The following ADARB2 variants were observed in gnomAD, a reference collection of about 807,000 sequenced individuals.
ADARB2 encodes adenosine deaminase RNA specific B2 (inactive), also known as inactive double-stranded RNA-specific editase B2.
A neutral mutation model predicts 62.2 loss-of-function variants in ADARB2; 25 were observed. That is an observed-to-expected ratio of 0.40 (90% CI 0.29 to 0.56). The LOEUF is 0.56. Among genes scored for constraint, ADARB2 ranks in the 20% least tolerant of loss-of-function variants. The pLI is 0.43. For synonymous variants in ADARB2, 572 were observed against 500.8 expected, an observed-to-expected ratio of 1.14 and a Z score of -1.90; for missense variants, 1,071 against 1,077.4, an observed-to-expected ratio of 0.99 and a Z score of 0.08.
chr10:1,411,344 G>A (rs1041423932), intron 1 of ADARB2, among the ~76,000 whole-genome samples: 1 of 152,164 alleles, frequency 6.6e-6, no homozygotes, highest in African/African-American at 2.4e-5. Flanking sequence ...AGGCTCCGTC[G>A]TTAGCCCACC....
chr10:1,547,241 G>GA (rs1483158201), intron 1 of ADARB2, among the ~76,000 whole-genome samples: 4 of 145,856 alleles, frequency 2.7e-5, no homozygotes, highest in Admixed American at 6.7e-5. Flanking sequence ...GCACTGTGTT[G>GA]GGGGCAGAGG....
intron 1 of ADARB2, among the ~76,000 whole-genome samples, chr10:1,473,700 G>A: frequency 6.6e-6 from 1 of 152,192 alleles, no homozygotes; most frequent in East Asian, 1.9e-4. Flanking sequence ...GCATTTTAAA[G>A]AGTCACTCTG....
chr10:1,487,168 C>G (rs983057828), intron 1 of ADARB2, among the ~76,000 whole-genome samples: 2 of 152,242 alleles, frequency 1.3e-5, no homozygotes. Context: ...GATAGCAAAC[C>G]TGGAAAGTCA....
chr10:1,583,123 C>T (rs566896734), intron 1 of ADARB2, among the ~76,000 whole-genome samples: 16 of 152,294 alleles, frequency 1.1e-4, no homozygotes, highest in African/African-American at 3.4e-4. Context: ...GGATTTCAGC[C>T]ATTGGGACTT....
chr10:1,356,434 T>C (rs1378485574), intron 3 of ADARB2, among the ~76,000 whole-genome samples: 4 of 152,182 alleles, frequency 2.6e-5, no homozygotes, highest in African/African-American at 9.6e-5. Flanking sequence ...CAGAACCGCC[T>C]GGGGTGAGCT....
chr10:1,662,461 G>A (rs936576836), intron 1 of ADARB2, among the ~76,000 whole-genome samples: 12 of 152,148 alleles, frequency 7.9e-5, no homozygotes, highest in African/African-American at 2.7e-4. Flanking sequence ...TCTTGGTTCC[G>A]GCCTTGCAAG....
chr10:1,184,754 A>G, intron 9 of ADARB2, 107 bp downstream of exon 9: 2 of 1,286,910 alleles, frequency 1.6e-6, no homozygotes, highest in Non-Finnish European at 2.1e-6. Context: ...TGTGTCGTGC[A>G]TCTCCCTCCC....
chr10:1,563,137 G>A (rs1201954541), intron 1 of ADARB2, among the ~76,000 whole-genome samples: 3 of 151,950 alleles, frequency 2.0e-5, no homozygotes, highest in Non-Finnish European at 4.4e-5. Flanking sequence ...GTGAGTCCCT[G>A]TGTCCTCCAC....
chr10:1,508,538 G>C (rs772544354), intron 1 of ADARB2, among the ~76,000 whole-genome samples: 1 of 152,138 alleles, frequency 6.6e-6, no homozygotes, highest in African/African-American at 2.4e-5. Context: ...CCAGCACTTC[G>C]GGAGACCAAG....
intron 3 of ADARB2, among the ~76,000 whole-genome samples, chr10:1,360,162 C>T (rs113077893): frequency 2.0e-5 from 3 of 152,238 alleles, no homozygotes; most frequent in South Asian, 2.1e-4. Flanking sequence ...AGCACCGGGC[C>T]GGCACCCAAG....
chr10:1,666,180 T>C (rs1834314027), intron 1 of ADARB2, among the ~76,000 whole-genome samples: 1 of 152,126 alleles, frequency 6.6e-6, no homozygotes, highest in South Asian at 2.1e-4. Flanking sequence ...CAGGGCTGCA[T>C]AGAACCGGGA....
At chr10:1,543,764 T>C (rs976475334) in intron 1 of ADARB2, among the ~76,000 whole-genome samples, 3 of 152,140 alleles carry the variant, frequency 2.0e-5, no homozygotes, top group African/African-American at 7.2e-5. Context: ...CCTGCGTTCC[T>C]TCTTCTTCCC....
chr10:1,653,181 G>A (rs924542449), intron 1 of ADARB2, among the ~76,000 whole-genome samples: 2 of 152,192 alleles, frequency 1.3e-5, no homozygotes, highest in African/African-American at 4.8e-5. Context: ...GGGAAATATG[G>A]GGCTGCTGCC....
intron 1 of ADARB2, among the ~76,000 whole-genome samples, chr10:1,705,355 A>G (rs535813225): frequency 1.9e-4 from 29 of 152,118 alleles, no homozygotes; most frequent in Non-Finnish European, 4.1e-4. Flanking sequence ...TATGATGGAC[A>G]AGGCAGCTGA....
chr10:1,489,984 G>A (rs1204605475), intron 1 of ADARB2, among the ~76,000 whole-genome samples: 2 of 152,154 alleles, frequency 1.3e-5, no homozygotes, highest in Admixed American at 6.5e-5. Flanking sequence ...ACAGGTGCAC[G>A]GACAACAAAG....
intron 1 of ADARB2, among the ~76,000 whole-genome samples, chr10:1,605,703 TAA>T (rs1833485567): frequency 6.6e-6 from 1 of 152,174 alleles, no homozygotes; most frequent in African/African-American, 2.4e-5. Flanking sequence ...TTTGGATATA[TAA>T]AGAGGGCCCT....
chr10:1,250,342 T>G (rs563876981), intron 4 of ADARB2, among the ~76,000 whole-genome samples: 1 of 151,884 alleles, frequency 6.6e-6, no homozygotes, highest in Non-Finnish European at 1.5e-5. Flanking sequence ...GGTGTTTGGG[T>G]CATGGGGTGG....
chr10:1,612,323 G>A (rs535489321), intron 1 of ADARB2, among the ~76,000 whole-genome samples: 22 of 152,354 alleles, frequency 1.4e-4, no homozygotes, highest in African/African-American at 5.1e-4. Flanking sequence ...AAAGAGCAGA[G>A]CGGCCATGGC....
chr10:1,721,497 G>A lies in ADARB2; in HGVS notation c.100+15554C>T, dbSNP rs557917247. ...TTGCTGTGTGCATACACATCACAGG[G>A]AGTGCAAAGACACACACACGCTGGA... On this transcript the variant is annotated intron_variant, in intron 1 of 9. Coordinates refer to ENST00000381312, the MANE Select transcript of ADARB2 (RefSeq NM_018702.4). Among the ~76,000 whole-genome samples the A allele has an allele frequency of 9.2e-5, 14 of 152,124 alleles. No homozygotes were observed. In the South Asian group the frequency reaches 2.7e-3, roughly 29 times the overall value.
Sources: allele counts gnomAD v4.1 joint callset (sites outside exome capture counted in the v4.1 genomes callset), GRCh38; gene constraint gnomAD v4.1.1; transcripts MANE v1.5; gene names NCBI Gene and HGNC (gene_info 2026-07-23, HGNC 2026-07-21).